Variants in GIN1 observed in about 807,000 individuals in gnomAD.
The protein encoded by GIN1 is gypsy retrotransposon integrase-like protein 1.
GIN1 carries 41 observed loss-of-function variants against 51.4 expected under a neutral mutation model. The observed-to-expected ratio is 0.80, with a 90% confidence interval of 0.62 to 1.04. The LOEUF (loss-of-function observed/expected upper bound fraction) is 1.04, where lower values mean the gene tolerates loss of function less well. Among genes scored for constraint, GIN1 ranks in the 50% least tolerant of loss-of-function variants. The pLI is 0.00. For missense variants in GIN1, 610 were observed against 612.4 expected (o/e 1.00, Z 0.04); for synonymous variants, 222 against 206.5 (o/e 1.07, Z -0.64).
chr5:103,089,785 C>T (rs1001627608), intron 7 of GIN1, among the ~76,000 whole-genome samples: 16 of 152,138 alleles, frequency 1.1e-4, no homozygotes, highest in African/African-American at 3.9e-4. Flanking sequence ...GAAAATCAAT[C>T]CTACTGTACT....
chr5:103,103,043 G>C (rs1324292265), intron 4 of GIN1, among the ~76,000 whole-genome samples: 1 of 152,194 alleles, frequency 6.6e-6, no homozygotes, highest in Non-Finnish European at 1.5e-5. Flanking sequence ...TAACAAAGCA[G>C]ATCTGTGACT....
chr5:103,108,782 C>G (rs945040851), intron 1 of GIN1, 68 bp from the exon 2 acceptor site: 3 of 967,310 alleles, frequency 3.1e-6, no homozygotes, highest in African/African-American at 3.3e-5. Flanking sequence ...TCAGTTAAGA[C>G]TTCTGTCATA....
intron 6 of GIN1, 108 bp from the exon 7 acceptor site, chr5:103,096,934 T>A: frequency 1.5e-6 from 1 of 686,528 alleles, no homozygotes; most frequent in Non-Finnish European, 2.4e-6. Context: ...GAGATGCTAC[T>A]AAAAGGTAGG....
At chr5:103,107,402 G>T (rs183344831) in intron 2 of GIN1, among the ~76,000 whole-genome samples, 1 of 152,014 alleles carries the variant, frequency 6.6e-6, no homozygotes, top group East Asian at 1.9e-4. Flanking sequence ...ATGGTGAAGC[G>T]GGCAAGTGGA....
intron 7 of GIN1, among the ~76,000 whole-genome samples, 197 bp from the exon 8 acceptor site, chr5:103,088,369 C>A (rs753242899): frequency 6.6e-6 from 1 of 152,134 alleles, no homozygotes; most frequent in Non-Finnish European, 1.5e-5. Context: ...ACAGTTCATA[C>A]ATAAACAATG....
rs1562327467 is a variant in GIN1, at chr5:103,096,714, C to G, written c.1121G>C (p.Arg374Thr). Reference sequence around the variant, plus strand: ...ACGACCATCCTTCCACCAATTTTTCCTTTGTCTTAAAACTTCATGACCCAC... The same window carrying G: ...ACGACCATCCTTCCACCAATTTTTCGTTTGTCTTAAAACTTCATGACCCAC... The part of the protein sequence containing the change: ...LKVGHEVLRQ[R>T]KNWWKDGRFQ... The change falls in exon 7 of 8, where the codon AGG becomes ACG. Residue 374 changes from arginine to threonine, a missense_variant. By Grantham distance (71) the Arg-to-Thr change is moderately conservative (BLOSUM62 -1). Coordinates refer to ENST00000399004, the MANE Select transcript of GIN1 (RefSeq NM_017676.2). 3 of 1,613,938 alleles carry G rather than the reference C, an allele frequency of 1.9e-6. No individual in the cohort carries two copies. Among genetic ancestry groups the G allele is most frequent in the Non-Finnish European group, 1.7e-6 (2 of 1,179,958 alleles).
intron 4 of GIN1, among the ~76,000 whole-genome samples, chr5:103,098,821 A>G (rs1787483244): frequency 6.6e-6 from 1 of 152,184 alleles, no homozygotes; most frequent in Admixed American, 6.6e-5. Flanking sequence ...TCATAAGTTA[A>G]TGTTTAAAAA....
intron 7 of GIN1, among the ~76,000 whole-genome samples, chr5:103,093,936 G>C (rs1258685114): frequency 1.3e-5 from 2 of 152,180 alleles, no homozygotes; most frequent in African/African-American, 4.8e-5. Context: ...TTTAGTTCTA[G>C]ATAAGAATGG....
At chr5:103,103,914 C>A (rs946237798) in intron 4 of GIN1, among the ~76,000 whole-genome samples, 1 of 151,910 alleles carries the variant, frequency 6.6e-6, no homozygotes, top group Admixed American at 6.6e-5. Flanking sequence ...CTCAACCTCC[C>A]GAGTAGCTGG....
intron 7 of GIN1, among the ~76,000 whole-genome samples, chr5:103,095,900 G>A (rs1787378376): frequency 6.6e-6 from 1 of 152,104 alleles, no homozygotes; most frequent in Non-Finnish European, 1.5e-5. Flanking sequence ...CTCCAGCCTG[G>A]GGGACAGAAT....
intron 7 of GIN1, 32 bp from the exon 8 acceptor site, chr5:103,088,204 T>G: frequency 7.8e-7 from 1 of 1,289,554 alleles, no homozygotes; most frequent in Non-Finnish European, 1.0e-6. Context: ...ATTTGACTTT[T>G]AGAATTATAA....
rs570410151 is a variant in GIN1, at chr5:103,091,366, AC to A, written c.1295-3195del. On this transcript the variant is annotated intron_variant, in intron 7 of 7. Transcript: ENST00000399004. Reference sequence around the variant, plus strand: ...ATCTATTGGACAACACTAATCTAAAACAATCATGAGTTAGGGATACAGAAAA... The same window carrying A: ...ATCTATTGGACAACACTAATCTAAAAAATCATGAGTTAGGGATACAGAAAA... Among the ~76,000 whole-genome samples, 549 of 152,322 alleles carry A rather than the reference AC, an allele frequency of 3.6e-3. 1 individual carries two copies. Among genetic ancestry groups the A allele is most frequent in the African/African-American group, 0.013 (529 of 41,566 alleles).
At chr5:103,092,625 CAGAT>C (rs554722781) in intron 7 of GIN1, among the ~76,000 whole-genome samples, 32 of 152,036 alleles carry the variant, frequency 2.1e-4, no homozygotes, top group Admixed American at 7.9e-4. Flanking sequence ...ATACTGTCAA[CAGAT>C]AACTGAGTAA....
chr5:103,112,913 G>A (rs1433650663), intron 1 of GIN1, among the ~76,000 whole-genome samples: 1 of 151,702 alleles, frequency 6.6e-6, no homozygotes, highest in Non-Finnish European at 1.5e-5. Context: ...TGGTATAAAT[G>A]AGAGGAAAAG....
intron 7 of GIN1, among the ~76,000 whole-genome samples, chr5:103,093,647 A>G (rs1787316595): frequency 6.6e-6 from 1 of 152,232 alleles, no homozygotes; most frequent in Non-Finnish European, 1.5e-5. Context: ...TGGGGCTTTC[A>G]ACTGTGAAGG....
intron 7 of GIN1, among the ~76,000 whole-genome samples, chr5:103,094,666 T>C (rs1787341988): frequency 6.6e-6 from 1 of 152,200 alleles, no homozygotes; most frequent in Non-Finnish European, 1.5e-5. Flanking sequence ...AATTTTGTAT[T>C]AAAGAAGCTT....
chr5:103,118,696 GTT>G (rs1788168184), intron 1 of GIN1, among the ~76,000 whole-genome samples: 1 of 99,216 alleles, frequency 1.0e-5, no homozygotes, highest in Non-Finnish European at 2.5e-5. Context: ...GTAGTTAAAA[GTT>G]TTACTGCTAA....
intron 7 of GIN1, among the ~76,000 whole-genome samples, chr5:103,091,929 G>A (rs949808950): frequency 2.0e-5 from 3 of 151,936 alleles, no homozygotes; most frequent in Non-Finnish European, 4.4e-5. Flanking sequence ...GGAGGCCGAG[G>A]TAGGAGAATT....
rs1289755357 is a variant in GIN1 at position 103,104,812 on chromosome 5, T to C, written c.368A>G (p.Asn123Ser). ...CTGTTTCGGTGCTACAATAACTGTA[T>C]TTTTTGCCACTTGGCAATGCTGACA... ...YACQHCQVAKNTVIVAPKQHL... is the reference protein window; with the variant it reads ...YACQHCQVAKSTVIVAPKQHL... Residue 123 changes from asparagine (N) to serine (S), a missense_variant, in exon 4 of 8, where the codon AAT (asparagine) becomes AGT (serine). Transcript: ENST00000399004. 1.2e-6 allele frequency: 2 copies of C among 1,607,834 alleles called. No individual in the cohort carries two copies. The highest frequency in any genetic ancestry group is 1.7e-6 in the Non-Finnish European group (2 of 1,176,260).
Sources: allele counts gnomAD v4.1 joint callset (sites outside exome capture counted in the v4.1 genomes callset), GRCh38; gene constraint gnomAD v4.1.1; transcripts MANE v1.5; gene names NCBI Gene and HGNC (gene_info 2026-07-23, HGNC 2026-07-21).